Variants in C3orf22 observed in about 807,000 individuals in gnomAD.
The protein encoded by C3orf22 is chromosome 3 open reading frame 22.
In C3orf22, 7 loss-of-function variants were observed where a neutral mutation model predicts 10.8. The ratio of observed to expected loss-of-function variants is 0.65; its 90% CI spans 0.37 to 1.22. The LOEUF (loss-of-function observed/expected upper bound fraction) is 1.22. Ranked by LOEUF, C3orf22 falls within the 50% of genes most tolerant of loss-of-function variation. The pLI, the probability that C3orf22 is intolerant of heterozygous loss-of-function variation, is 0.02. For synonymous variants in C3orf22, 79 were observed against 78.9 expected (o/e 1.00, Z 0.00); for missense variants, 173 against 177.0 (o/e 0.98, Z 0.13).
chr3:126,535,391 C>CA (rs1387312415), intron 4 of C3orf22, among the ~76,000 whole-genome samples: 1 of 147,748 alleles, frequency 6.8e-6, no homozygotes, highest in Non-Finnish European at 1.5e-5. Context: ...AGCTGGTAGA[C>CA]AGACAGACAG....
intron 4 of C3orf22, among the ~76,000 whole-genome samples, chr3:126,537,553 G>A (rs779098258): frequency 6.6e-6 from 1 of 152,166 alleles, no homozygotes; most frequent in Non-Finnish European, 1.5e-5. Context: ...CAAGCAGGTA[G>A]GGAGGCCTTC....
chr3:126,531,244 C>T (rs72982011), intron 4 of C3orf22, among the ~76,000 whole-genome samples: 14 of 152,108 alleles, frequency 9.2e-5, no homozygotes, highest in African/African-American at 2.9e-4. Context: ...AGGTGGGGCC[C>T]GGGATTCTTG....
At chr3:126,539,778 C>CA in intron 4 of C3orf22, among the ~76,000 whole-genome samples, 1 of 61,164 alleles carries the variant, frequency 1.6e-5, no homozygotes, top group Non-Finnish European at 3.0e-5. Flanking sequence ...ACACAGCACA[C>CA]ACACACCACA....
intron 5 of C3orf22, among the ~76,000 whole-genome samples, chr3:126,528,143 G>C (rs902616272): frequency 6.6e-6 from 1 of 151,676 alleles, no homozygotes; most frequent in African/African-American, 2.4e-5. Context: ...GCTGTGGGTG[G>C]GGCTCTGGGT....
intron 4 of C3orf22, among the ~76,000 whole-genome samples, chr3:126,537,669 G>T (rs775882749): frequency 3.9e-5 from 6 of 152,228 alleles, no homozygotes; most frequent in Non-Finnish European, 8.8e-5. Flanking sequence ...CTTCTGAGGG[G>T]CAGATGGCCC....
At chr3:126,549,645 G>T (rs569044344), downstream of C3orf22, 29 of 1,503,648 alleles carry the variant, frequency 1.9e-5, no homozygotes, top group South Asian at 2.9e-4. Flanking sequence ...TTTTAGAGAT[G>T]AGAAAATGAA....
At chr3:126,529,103 ATCCCCC>A in intron 5 of C3orf22, 2 of 381,198 alleles carry the variant, frequency 5.2e-6, no homozygotes, top group South Asian at 3.9e-5. Context: ...TGCAAACAGC[ATCCCCC>A]TACATGATGG....
downstream of C3orf22, among the ~76,000 whole-genome samples, chr3:126,546,715 C>T (rs537306096): frequency 6.8e-6 from 1 of 147,898 alleles, no homozygotes; most frequent in African/African-American, 2.7e-5. Context: ...TTGTTTAACT[C>T]CCCCCAGCCT....
chr3:126,539,537 C>CAG (rs1936879606), intron 4 of C3orf22, among the ~76,000 whole-genome samples: 1 of 144,126 alleles, frequency 6.9e-6, no homozygotes, highest in African/African-American at 2.6e-5. Flanking sequence ...CATGCACACA[C>CAG]CACACACACC....
intron 4 of C3orf22, among the ~76,000 whole-genome samples, chr3:126,539,768 A>T: frequency 1.5e-5 from 1 of 66,342 alleles, no homozygotes; most frequent in Non-Finnish European, 3.0e-5. Flanking sequence ...CACACCACAC[A>T]CACAGCACAC....
intron 2 of C3orf22, among the ~76,000 whole-genome samples, chr3:126,552,637 T>C (rs1937221647): frequency 1.3e-5 from 2 of 152,022 alleles, no homozygotes; most frequent in Admixed American, 6.5e-5. Context: ...GCCCTGGTGG[T>C]CCCCCGTGGT....
downstream of C3orf22, chr3:126,549,541 G>T: frequency 1.3e-6 from 1 of 768,894 alleles, no homozygotes; most frequent in Non-Finnish European, 2.0e-6. Flanking sequence ...ACTTACCTGT[G>T]TGAGTGTACA....
intron 4 of C3orf22, among the ~76,000 whole-genome samples, chr3:126,537,016 G>A (rs1238317600): frequency 6.6e-6 from 1 of 152,160 alleles, no homozygotes; most frequent in East Asian, 1.9e-4. Flanking sequence ...GCAGCAAGCA[G>A]GTTGGCCAGG....
chr3:126,540,836 A>G (rs1936942698), intron 4 of C3orf22, among the ~76,000 whole-genome samples: 1 of 152,236 alleles, frequency 6.6e-6, no homozygotes, highest in East Asian at 1.9e-4. Flanking sequence ...GCAACTCGTG[A>G]AAGCTCCAGT....
At chr3:126,538,516 G>C (rs1474637245) in intron 4 of C3orf22, among the ~76,000 whole-genome samples, 1 of 152,270 alleles carries the variant, frequency 6.6e-6, no homozygotes, top group Non-Finnish European at 1.5e-5. Context: ...TGAAGATATG[G>C]CTCCCTGAAG....
chr3:126,543,754 G>A (rs143922422), intron 4 of C3orf22, among the ~76,000 whole-genome samples: 1 of 152,248 alleles, frequency 6.6e-6, no homozygotes, highest in Non-Finnish European at 1.5e-5. Context: ...TTGTGTGTAT[G>A]TGTATGTGTG....
intron 4 of C3orf22, chr3:126,542,457 AC>A: frequency 1.3e-6 from 2 of 1,571,330 alleles, no homozygotes; most frequent in Non-Finnish European, 1.7e-6. Flanking sequence ...GCCTCCCGCG[AC>A]CTGGCAGCGC....
intron 4 of C3orf22, among the ~76,000 whole-genome samples, chr3:126,536,870 C>T (rs1234877416): frequency 7.0e-6 from 1 of 142,384 alleles, no homozygotes; most frequent in Non-Finnish European, 1.5e-5. Flanking sequence ...CTGGCTCTCT[C>T]TCTCTCTTTC....
intron 3 of C3orf22, among the ~76,000 whole-genome samples, chr3:126,551,303 G>C (rs1484382742): frequency 6.6e-5 from 10 of 152,214 alleles, no homozygotes; most frequent in Admixed American, 6.5e-4. Context: ...CATCAGTGGG[G>C]CCGGGGCATT....
Sources: gnomAD v4.1 joint callset for allele counts (sites outside exome capture counted in the v4.1 genomes callset) on GRCh38, gnomAD v4.1.1 for gene constraint, MANE v1.5 for transcripts, NCBI Gene and HGNC (gene_info 2026-07-23, HGNC 2026-07-21) for gene names.